ERC2: variants seen among roughly 807,000 people sequenced by gnomAD.
The protein encoded by ERC2 is ERC protein 2.
A neutral mutation model predicts 114.8 loss-of-function variants in ERC2; 42 were observed. That is an observed-to-expected ratio of 0.37 (90% CI 0.29 to 0.47). ERC2 has a LOEUF of 0.47. Ranked by LOEUF, ERC2 falls within the 20% of genes least tolerant of loss-of-function variation. ERC2 has a pLI of 0.99. For missense variants in ERC2, 939 were observed against 1,150.7 expected (o/e 0.82, Z 2.66); for synonymous variants, 454 against 425.5 (o/e 1.07, Z -0.82).
intron 2 of ERC2, among the ~76,000 whole-genome samples, chr3:56,371,947 G>T (rs113872162): frequency 4.6e-5 from 7 of 152,326 alleles, no homozygotes; most frequent in African/African-American, 1.7e-4. Flanking sequence ...GCACTAAGGA[G>T]CCTCTGTGCC....
chr3:55,943,586 A>T (rs925671433), intron 13 of ERC2, among the ~76,000 whole-genome samples: 1 of 152,100 alleles, frequency 6.6e-6, no homozygotes, highest in African/African-American at 2.4e-5. Context: ...TCACTGAACA[A>T]TTGTCTGACT....
intron 5 of ERC2, 116 bp from the exon 6 acceptor site, chr3:56,139,792 C>G (rs1262556731): frequency 1.7e-6 from 2 of 1,170,924 alleles, no homozygotes; most frequent in East Asian, 5.1e-5. Flanking sequence ...TCCAACAAGG[C>G]AGGCCACGAA....
At chr3:56,154,413 TAG>T (rs2081586291) in intron 4 of ERC2, among the ~76,000 whole-genome samples, 1 of 152,142 alleles carries the variant, frequency 6.6e-6, no homozygotes. Context: ...GAAAAGCAAC[TAG>T]GGTGCTTTGA....
At chr3:55,994,624 T>C (rs369245998) in intron 10 of ERC2, among the ~76,000 whole-genome samples, 5 of 117,984 alleles carry the variant, frequency 4.2e-5, no homozygotes, top group African/African-American at 1.3e-4. Flanking sequence ...TTGATTTTCA[T>C]TGACAAGATA....
At chr3:55,616,598 A>G (rs1473757108) in intron 17 of ERC2, among the ~76,000 whole-genome samples, 1 of 151,682 alleles carries the variant, frequency 6.6e-6, no homozygotes, top group Non-Finnish European at 1.5e-5. Flanking sequence ...CAAATAAAGC[A>G]CATTTTAATC....
chr3:55,820,088 C>T (rs2060064662), intron 14 of ERC2, among the ~76,000 whole-genome samples: 1 of 152,152 alleles, frequency 6.6e-6, no homozygotes, highest in African/African-American at 2.4e-5. Context: ...GGAGAATAAG[C>T]TCCATGAAAT....
chr3:55,989,672 C>T (rs2070905375), intron 11 of ERC2, among the ~76,000 whole-genome samples: 1 of 152,096 alleles, frequency 6.6e-6, no homozygotes, highest in African/African-American at 2.4e-5. Flanking sequence ...AGCTCTGCAA[C>T]CTGGAGGAAG....
At chr3:55,901,319 A>G (rs1465232343) in intron 13 of ERC2, among the ~76,000 whole-genome samples, 4 of 152,192 alleles carry the variant, frequency 2.6e-5, no homozygotes, top group African/African-American at 9.7e-5. Context: ...AAGTCTAGGC[A>G]AGGTGTGACT....
rs147018517 is a variant in ERC2, at chr3:55,543,479, G to A, written c.*40-32203C>T. Among the ~76,000 whole-genome samples, 951 of 152,362 alleles carry A rather than the reference G, an allele frequency of 6.2e-3. 8 individuals carry two copies. The highest frequency in any genetic ancestry group is 0.011 in the Non-Finnish European group (769 of 68,030). ...CAGCGCTCTCCCCAGCCTGGCTCCA[G>A]TGCGGTCACAAACGAGGCCTAGTGG... On this transcript the variant is annotated intron_variant, in intron 17 of 17. Coordinates refer to ENST00000288221, the MANE Select transcript of ERC2 (RefSeq NM_015576.3).
chr3:55,618,832 C>G (rs1395979361), intron 17 of ERC2, among the ~76,000 whole-genome samples: 2 of 152,130 alleles, frequency 1.3e-5, no homozygotes, highest in African/African-American at 4.8e-5. Context: ...AAAACATTCC[C>G]ACCACCATCA....
chr3:55,657,613 G>A (rs2060932411), intron 17 of ERC2: 1 of 152,010 alleles, frequency 6.6e-6, no homozygotes, highest in Admixed American at 6.6e-5. Context: ...ACACCACCAT[G>A]CCCGGCTAAT....
intron 14 of ERC2, among the ~76,000 whole-genome samples, chr3:55,806,576 T>C (rs1191301161): frequency 6.6e-6 from 1 of 152,098 alleles, no homozygotes; most frequent in South Asian, 2.1e-4. Context: ...CAGGTGACAT[T>C]TGGCAATGTC....
chr3:56,228,567 T>C (rs960530835), intron 3 of ERC2, among the ~76,000 whole-genome samples: 3 of 152,226 alleles, frequency 2.0e-5, no homozygotes, highest in East Asian at 3.8e-4. Context: ...TATTCCATTT[T>C]ATGTCTATAT....
chr3:55,668,630 C>G (rs1357578082), intron 17 of ERC2, among the ~76,000 whole-genome samples: 3 of 152,128 alleles, frequency 2.0e-5, no homozygotes, highest in Non-Finnish European at 4.4e-5. Flanking sequence ...TGTGTGTTGC[C>G]CCTCTTGACC....
At chr3:55,760,212 G>C (rs2067336768) in intron 14 of ERC2, among the ~76,000 whole-genome samples, 2 of 152,144 alleles carry the variant, frequency 1.3e-5, no homozygotes, top group South Asian at 4.1e-4. Flanking sequence ...TATAGTCAAG[G>C]AGCAAACTGG....
intron 8 of ERC2, among the ~76,000 whole-genome samples, chr3:56,017,163 C>T (rs1469412153): frequency 2.0e-5 from 3 of 152,096 alleles, no homozygotes; most frequent in African/African-American, 4.8e-5. Flanking sequence ...ACAAACAAGC[C>T]GTCCCTCCTG....
rs113665247 is a variant in ERC2, at chr3:55,861,317, G to A, written c.2564+27072C>T. Among the ~76,000 whole-genome samples the A allele has an allele frequency of 7.7e-3, 1,171 of 152,260 alleles. 13 individuals carry two copies. Among genetic ancestry groups the A allele is most frequent in the African/African-American group, 0.026 (1,097 of 41,558 alleles). On this transcript the variant is annotated intron_variant, in intron 14 of 17. Transcript: ENST00000288221. Reference sequence around the variant, plus strand: ...TACTACGGATCTCATGGAAGCCAGCGCAGCTGGTTGCACCCCAAGATATGC... The same window carrying A: ...TACTACGGATCTCATGGAAGCCAGCACAGCTGGTTGCACCCCAAGATATGC...
At chr3:55,751,166 G>C (rs562035514) in intron 14 of ERC2, among the ~76,000 whole-genome samples, 7 of 152,312 alleles carry the variant, frequency 4.6e-5, no homozygotes, top group Admixed American at 4.6e-4. Flanking sequence ...CTTGTGAAAA[G>C]TGTTTGGCAC....
chr3:56,101,714 G>A (rs1041832028), intron 6 of ERC2, among the ~76,000 whole-genome samples: 2 of 152,184 alleles, frequency 1.3e-5, no homozygotes, highest in African/African-American at 4.8e-5. Flanking sequence ...CAGGTCCGGA[G>A]TAGCCATTGT....
Sources: allele counts gnomAD v4.1 joint callset (sites outside exome capture counted in the v4.1 genomes callset), GRCh38; gene constraint gnomAD v4.1.1; transcripts MANE v1.5; gene names NCBI Gene and HGNC (gene_info 2026-07-23, HGNC 2026-07-21).